The following R3HDM1 variants were observed in gnomAD, a reference collection of about 807,000 sequenced individuals.
R3HDM1 encodes R3H domain containing 1, also known as R3H domain-containing protein 1.
In R3HDM1, 46 loss-of-function variants were observed where a neutral mutation model predicts 141.1. That is an observed-to-expected ratio of 0.33 (90% CI 0.26 to 0.42). The LOEUF (loss-of-function observed/expected upper bound fraction) is 0.42. R3HDM1 is among the 10% of genes least tolerant of loss of function. R3HDM1 has a pLI of 1.00. For synonymous variants in R3HDM1, 435 were observed against 472.9 expected (o/e 0.92, Z 1.04); for missense variants, 1,184 against 1,368.3 (o/e 0.87, Z 2.12).
At chr2:135,694,011 A>G (rs1575068561) in intron 21 of R3HDM1, among the ~76,000 whole-genome samples, 1 of 152,238 alleles carries the variant, frequency 6.6e-6, no homozygotes, top group Non-Finnish European at 1.5e-5. Context: ...TCAAAAAAAA[A>G]AGAAAATAAT....
At chr2:135,560,560 C>A (rs2104957938) in intron 1 of R3HDM1, among the ~76,000 whole-genome samples, 1 of 152,286 alleles carries the variant, frequency 6.6e-6, no homozygotes, top group East Asian at 1.9e-4. Context: ...GATCCGCCCA[C>A]CTCAGCTTCC....
At chr2:135,555,402 TAAC>T (rs1029388961) in intron 1 of R3HDM1, among the ~76,000 whole-genome samples, 4 of 151,480 alleles carry the variant, frequency 2.6e-5, no homozygotes, top group African/African-American at 4.9e-5. Flanking sequence ...AATCAGATAA[TAAC>T]AACAGTTGAA....
At chr2:135,689,653 C>T (rs1437722502) in intron 21 of R3HDM1, among the ~76,000 whole-genome samples, 1 of 152,194 alleles carries the variant, frequency 6.6e-6, no homozygotes, top group Non-Finnish European at 1.5e-5. Flanking sequence ...TTCACTGAGG[C>T]AACTTTGTGT....
At chr2:135,557,734 C>G (rs938806297) in intron 1 of R3HDM1, among the ~76,000 whole-genome samples, 2 of 152,196 alleles carry the variant, frequency 1.3e-5, no homozygotes, top group African/African-American at 2.4e-5. Flanking sequence ...GAGTATAGTT[C>G]ATGTCTAGGT....
rs145834332 is a variant in R3HDM1, at chr2:135,629,494, T to C, written c.498-2224T>C. Among the ~76,000 whole-genome samples the C allele has an allele frequency of 5.9e-5, 9 of 152,338 alleles. No individual in the cohort carries two copies. The East Asian group carries it at 1.7e-3, about 29-fold the overall frequency. On this transcript the variant is annotated intron_variant, in intron 7 of 26. Transcript: ENST00000683871. ...GAAGTAATTTTACTAATTTATTCCA[T>C]GCAAAATATTTTTGTTGAACCTTTC...
intron 19 of R3HDM1, chr2:135,670,471 TACATTGTAC>T (rs2068172216): frequency 1.2e-6 from 1 of 867,042 alleles, no homozygotes; most frequent in African/African-American, 1.8e-5. Flanking sequence ...TTTCTTCCCA[TACATTGTAC>T]AATTTCTATT....
intron 21 of R3HDM1, among the ~76,000 whole-genome samples, chr2:135,702,565 C>T (rs2074369742): frequency 1.3e-5 from 2 of 149,374 alleles, no homozygotes; most frequent in South Asian, 2.1e-4. Context: ...AGGAAAATGG[C>T]GTGAACCCAG....
At chr2:135,695,469 T>A (rs568437132) in intron 21 of R3HDM1, among the ~76,000 whole-genome samples, 62 of 152,230 alleles carry the variant, frequency 4.1e-4, no homozygotes, top group African/African-American at 1.5e-3. Context: ...GGAAAAAAAA[T>A]ATTTGAGTAA....
intron 1 of R3HDM1, among the ~76,000 whole-genome samples, chr2:135,579,891 G>A (rs1706401486): frequency 6.6e-6 from 1 of 152,094 alleles, no homozygotes; most frequent in African/African-American, 2.4e-5. Context: ...GTTGGATGAG[G>A]TATATACAGG....
chr2:135,699,037 A>AGATTGATTGATT lies in R3HDM1; in HGVS notation c.2460-10393_2460-10392insTGATTGATTGAT, dbSNP rs1415750274. On this transcript the variant is annotated intron_variant, in intron 21 of 26. Transcript: ENST00000683871. ...TAGATAGATAGATAGATAGATAGAT[A>AGATTGATTGATT]GATAGATAAGATAGATAAGATAGAT... Among the ~76,000 whole-genome samples the AGATTGATTGATT allele has an allele frequency of 2.5e-4, 25 of 99,894 alleles. 1 individual carries two copies. The highest frequency in any genetic ancestry group is 8.7e-4 in the African/African-American group (25 of 28,722). The allele number at this position is 99,894 out of a possible 152,430, so 65.5% of individuals were successfully genotyped here. A position where few individuals can be genotyped will look rare whatever the true frequency, so the allele number is the denominator to read the frequency against.
intron 21 of R3HDM1, among the ~76,000 whole-genome samples, chr2:135,683,953 A>AATACATACATAC (rs3074523): frequency 0.016 from 2,409 of 147,966 alleles, 32 homozygotes; most frequent in Admixed American, 0.042. Flanking sequence ...CTGTCTCATA[A>AATACATACATAC]ATACATACAT....
intron 21 of R3HDM1, among the ~76,000 whole-genome samples, chr2:135,695,584 G>A (rs2073120258): frequency 6.6e-6 from 1 of 152,150 alleles, no homozygotes; most frequent in Non-Finnish European, 1.5e-5. Flanking sequence ...ATCTTAAAAA[G>A]TTATAGAGAA....
At chr2:135,549,409 G>T (rs1699377905) in intron 1 of R3HDM1, among the ~76,000 whole-genome samples, 1 of 151,858 alleles carries the variant, frequency 6.6e-6, no homozygotes, top group East Asian at 1.9e-4. Context: ...ACAAAAATTA[G>T]CTGGGCGTGA....
chr2:135,665,009 CTT>C, intron 19 of R3HDM1, among the ~76,000 whole-genome samples: 1 of 152,052 alleles, frequency 6.6e-6, no homozygotes, highest in East Asian at 1.9e-4. Flanking sequence ...CTCCATAATT[CTT>C]TGTGTCTCAT....
intron 1 of R3HDM1, among the ~76,000 whole-genome samples, chr2:135,571,446 C>G (rs1445480344): frequency 6.6e-6 from 1 of 151,550 alleles, no homozygotes; most frequent in Non-Finnish European, 1.5e-5. Context: ...CTGCCTCAGC[C>G]TCCCGAGTAG....
At chr2:135,584,915 AT>A (rs1707533756) in intron 1 of R3HDM1, among the ~76,000 whole-genome samples, 1 of 152,356 alleles carries the variant, frequency 6.6e-6, no homozygotes, top group East Asian at 1.9e-4. Context: ...GCCTTGAAAT[AT>A]GTTTCTCATA....
In R3HDM1 at chr2:135,641,808, G is replaced by T. The variant is rs770045948; in HGVS notation, c.1474+18G>T. ...ACAAACAGGTTGGTATCCAGAAAAA[G>T]GTGTTTCAGGAATTATCTGAAAATT... On this transcript the variant is annotated intron_variant, in intron 15 of 26. Coordinates refer to ENST00000683871, the MANE Select transcript of R3HDM1 (RefSeq NM_001378107.1). 4 of 1,569,932 alleles carry T rather than the reference G, an allele frequency of 2.5e-6. No individual in the cohort carries two copies. The Admixed American group carries it at 7.9e-5, about 31-fold the overall frequency.
chr2:135,711,371 A>G (rs2105441798), intron 23 of R3HDM1, among the ~76,000 whole-genome samples: 1 of 152,322 alleles, frequency 6.6e-6, no homozygotes, highest in South Asian at 2.1e-4. Context: ...TGAATGATCA[A>G]AAGACATTTT....
At chr2:135,649,007 T>G (rs2064806166) in intron 16 of R3HDM1, 1 of 152,004 alleles carries the variant, frequency 6.6e-6, no homozygotes, top group Admixed American at 6.6e-5. Context: ...TATGTATATA[T>G]GTGTTTGTTG....
Sources: gnomAD v4.1 joint callset for allele counts (sites outside exome capture counted in the v4.1 genomes callset) on GRCh38, gnomAD v4.1.1 for gene constraint, MANE v1.5 for transcripts, NCBI Gene and HGNC (gene_info 2026-07-23, HGNC 2026-07-21) for gene names.